The following PORCN variants were observed in gnomAD, a reference collection of about 807,000 sequenced individuals.
PORCN encodes the protein porcupine O-acyltransferase.
Under a neutral mutation model 43.0 loss-of-function variants are expected in PORCN, and 1 was observed. The ratio of observed to expected loss-of-function variants is 0.02; its 90% CI spans 0.01 to 0.11. The LOEUF (loss-of-function observed/expected upper bound fraction) is 0.11. PORCN is among the 10% of genes least tolerant of loss of function. The pLI is 1.00. For missense variants in PORCN, 240 were observed against 392.1 expected, an observed-to-expected ratio of 0.61 and a Z score of 3.28; for synonymous variants, 148 against 166.4, an observed-to-expected ratio of 0.89 and a Z score of 0.85.
intron 2 of PORCN, among the ~76,000 whole-genome samples, chrX:48,510,452 T>C (rs1197923548): frequency 8.9e-6 from 1 of 112,066 alleles, no homozygotes; most frequent in Non-Finnish European, 1.9e-5. Flanking sequence ...GATTCTAGGA[T>C]TCTGAAATGT....
chrX:48,514,018 G>T, intron 7 of PORCN, 109 bp from the exon 8 acceptor site: 6 of 929,739 alleles, frequency 6.5e-6, no homozygotes, highest in Admixed American at 5.2e-5. Context: ...CACCTTTTTT[G>T]TGGCTACATT....
intron 2 of PORCN, among the ~76,000 whole-genome samples, chrX:48,510,480 G>A (rs985472323): frequency 2.7e-5 from 3 of 111,997 alleles, no homozygotes; most frequent in Admixed American, 9.5e-5. Flanking sequence ...GTCATAGCAG[G>A]CCTGTATCTT....
chrX:48,513,808 C>G (rs1008581183), intron 7 of PORCN, among the ~76,000 whole-genome samples: 1 of 112,041 alleles, frequency 8.9e-6, no homozygotes, highest in African/African-American at 3.2e-5. Context: ...CATTGCAAGG[C>G]TGGGAGTCTG....
chrX:48,516,215 T>A (rs1240658796), intron 13 of PORCN, 69 bp downstream of exon 13: 37 of 1,017,817 alleles, frequency 3.6e-5, no homozygotes, highest in Non-Finnish European at 4.1e-6. Flanking sequence ...TATCTCTATC[T>A]TGTATGTGTC....
intron 14 of PORCN, among the ~76,000 whole-genome samples, chrX:48,518,789 G>A (rs1169427799): frequency 3.6e-5 from 4 of 109,945 alleles, no homozygotes; most frequent in Non-Finnish European, 5.7e-5. Context: ...TTTAATTCAG[G>A]TTAAGTGTGC....
Position 48,517,290 on chromosome X carries a change from G to A in PORCN, c.1281G>A (p.Glu427=). Residue 427 remains glutamate, a synonymous_variant, in exon 14 of 15, where the codon GAG becomes GAA. Coordinates refer to ENST00000326194, the MANE Select transcript of PORCN (RefSeq NM_203475.3). The part of the protein sequence containing the change: ...FDVDVDDTTE[E]QGYGMAYTVH... ...TCGATGTGGATGACACCACAGAGGA[G>A]CAGGTGAGGTGGGGCCCTGGGCTGT... is the stretch of plus-strand genomic sequence containing the variant. The A allele has an allele frequency of 8.7e-7, 1 of 1,147,488 alleles. No individual in the cohort carries two copies. The highest frequency in any genetic ancestry group is 3.2e-5 in the East Asian group (1 of 30,780). 94.6% of individuals were successfully genotyped at this position (1,147,488 alleles called of 1,213,427 possible). A position where few individuals can be genotyped will look rare whatever the true frequency, so the allele number is the denominator to read the frequency against.
In PORCN at chrX:48,520,685, C is replaced by T; in HGVS notation, c.*209C>T. ...ACCACAAGGCAGGAAGGGGGTGGTG[C>T]CTGCTGGGGCCTAGAGGGGGATGCT... On this transcript the variant is annotated 3_prime_UTR_variant, in exon 15 of 15. Transcript: ENST00000326194. 2.2e-6 allele frequency: 1 copy of T among 458,195 alleles called. No individual in the cohort carries two copies. The highest frequency in any genetic ancestry group is 3.9e-6 in the Non-Finnish European group (1 of 254,761). The allele number at this position is 458,195 out of a possible 1,213,427, so 37.8% of individuals were successfully genotyped here. A position where few individuals can be genotyped will look rare whatever the true frequency, so the allele number is the denominator to read the frequency against.
intron 14 of PORCN, among the ~76,000 whole-genome samples, chrX:48,518,641 T>A (rs1556975932): frequency 8.9e-6 from 1 of 112,547 alleles, no homozygotes; most frequent in Non-Finnish European, 1.9e-5. Flanking sequence ...AAATACCAGA[T>A]TTTACTCCTT....
At chrX:48,513,743 C>G (rs1251561391) in intron 7 of PORCN, among the ~76,000 whole-genome samples, 1 of 112,122 alleles carries the variant, frequency 8.9e-6, no homozygotes, top group Non-Finnish European at 1.9e-5. Flanking sequence ...TTGATGGTCT[C>G]TGTGCCCAGC....
At chrX:48,509,339 C>G (rs1294915284) in intron 1 of PORCN, 1 of 278,585 alleles carries the variant, frequency 3.6e-6, no homozygotes, top group Non-Finnish European at 6.3e-6. Flanking sequence ...GGACACCCCC[C>G]CTCCCCGTGC....
chrX:48,514,219 C>T (rs782577649), intron 8 of PORCN, 21 bp from the exon 9 acceptor site: 1 of 1,212,010 alleles, frequency 8.3e-7, no homozygotes, highest in Non-Finnish European at 1.1e-6. Context: ...ATGCCTCTCA[C>T]CCCTGCCCCT....
chrX:48,515,234 G>C (rs1298774102), intron 10 of PORCN, among the ~76,000 whole-genome samples: 1 of 112,369 alleles, frequency 8.9e-6, no homozygotes, highest in Non-Finnish European at 1.9e-5. Flanking sequence ...CTGAGCAGAG[G>C]AGGGCCCTGG....
At chrX:48,514,176 T>C (rs1398273114) in intron 8 of PORCN, 35 bp downstream of exon 8, 1 of 1,210,075 alleles carries the variant, frequency 8.3e-7, no homozygotes, top group African/African-American at 1.7e-5. Flanking sequence ...GATGCTGACA[T>C]GTGGTGGGGT....
In PORCN at chrX:48,510,457, A is replaced by T. The variant is rs183946009; in HGVS notation, c.136+501A>T. 3.7e-4 allele frequency among the ~76,000 whole-genome samples: 41 copies of T among 112,035 alleles called. No homozygotes were observed. The East Asian group carries it at 0.011, about 31-fold the overall frequency. Reference sequence around the variant, plus strand: ...GCGATTTCTGGATTCTAGGATTCTGAAATGTTTCCACAGTCATAGCAGGCC... The same window carrying T: ...GCGATTTCTGGATTCTAGGATTCTGTAATGTTTCCACAGTCATAGCAGGCC... On this transcript the variant is annotated intron_variant, in intron 2 of 14. Transcript: ENST00000326194.
chrX:48,511,664 C>G (rs1304970979), intron 3 of PORCN, among the ~76,000 whole-genome samples, 177 bp downstream of exon 3: 1 of 111,175 alleles, frequency 9.0e-6, no homozygotes, highest in Non-Finnish European at 1.9e-5. Flanking sequence ...GTGGAGTGTC[C>G]CTGGAGAAGG....
chrX:48,509,351 G>C, intron 1 of PORCN: 21 of 256,640 alleles, frequency 8.2e-5, no homozygotes, highest in Non-Finnish European at 9.9e-5. Flanking sequence ...TCCCCGTGCC[G>C]CCGCATCCAT....
At position 48,516,056 on chromosome X, in the gene PORCN, C is replaced by G. The variant is rs782503683; in HGVS notation, c.1088-5C>G. 5 of 1,211,390 alleles carry G rather than the reference C, an allele frequency of 4.1e-6. No homozygotes were observed. The East Asian group carries it at 1.5e-4, about 36-fold the overall frequency. On this transcript the variant is annotated splice_polypyrimidine_tract_variant and splice_region_variant and intron_variant, in intron 12 of 14. Transcript: ENST00000326194. ...TGACCCCCTTACCTCTCCCCACCAC[C>G]CTAGTCCTCCGGAAGCGCCTGGCTC...
At chrX:48,509,549 G>A in intron 1 of PORCN, 1 of 1,080,879 alleles carries the variant, frequency 9.3e-7, no homozygotes, top group African/African-American at 1.8e-5. Flanking sequence ...GAGAGACAGA[G>A]GTCCTTCATT....
intron 14 of PORCN, among the ~76,000 whole-genome samples, chrX:48,517,979 G>A (rs781943273): frequency 1.8e-5 from 2 of 108,543 alleles, no homozygotes; most frequent in South Asian, 8.1e-4. Context: ...TGTGATCACG[G>A]CCCACTGCAG....
Sources: gnomAD v4.1 joint callset for allele counts (sites outside exome capture counted in the v4.1 genomes callset) on GRCh38, gnomAD v4.1.1 for gene constraint, MANE v1.5 for transcripts, NCBI Gene and HGNC (gene_info 2026-07-23, HGNC 2026-07-21) for gene names.